RALGPS2: variants seen among roughly 807,000 people sequenced by gnomAD.
RALGPS2 encodes ras-specific guanine nucleotide-releasing factor RalGPS2.
A neutral mutation model predicts 86.8 loss-of-function variants in RALGPS2; 43 were observed. The observed-to-expected ratio is 0.50, with a 90% CI of 0.39 to 0.64. RALGPS2 has a LOEUF of 0.64. Among genes scored for constraint, RALGPS2 ranks in the 30% least tolerant of loss-of-function variants. The probability of loss-of-function intolerance (pLI) is 0.00; values close to 1 mark genes in which losing one functional copy is unlikely to be tolerated. For missense variants in RALGPS2, 536 were observed against 694.6 expected (o/e 0.77, Z 2.57); for synonymous variants, 243 against 231.3 (o/e 1.05, Z -0.46).
chr1:178,893,078 T>C (rs1029749079), intron 15 of RALGPS2, among the ~76,000 whole-genome samples: 6 of 152,132 alleles, frequency 3.9e-5, no homozygotes, highest in Non-Finnish European at 7.4e-5. Flanking sequence ...TGGCAAACTT[T>C]AGTTTTCATT....
At chr1:178,885,355 T>G (rs2102378339) in intron 12 of RALGPS2, 144 bp downstream of exon 12, 2 of 780,518 alleles carry the variant, frequency 2.6e-6, no homozygotes, top group Non-Finnish European at 3.8e-6. Flanking sequence ...TAAAATGCCT[T>G]GTTTGCCTAA....
intron 8 of RALGPS2, among the ~76,000 whole-genome samples, chr1:178,869,735 A>G (rs1297584810): frequency 2.0e-5 from 3 of 152,172 alleles, no homozygotes; most frequent in Non-Finnish European, 4.4e-5. Context: ...TGCTTGTTCA[A>G]GATTCTTAAC....
chr1:178,756,177 G>A (rs555313185), intron 1 of RALGPS2, among the ~76,000 whole-genome samples: 1 of 152,196 alleles, frequency 6.6e-6, no homozygotes, highest in South Asian at 2.1e-4. Flanking sequence ...GGTCCCACTT[G>A]TCAATTTTTG....
intron 13 of RALGPS2, among the ~76,000 whole-genome samples, chr1:178,888,717 G>C (rs1038985475): frequency 6.6e-6 from 1 of 152,062 alleles, no homozygotes; most frequent in African/African-American, 2.4e-5. Flanking sequence ...TCCAAGGATG[G>C]TACATAACTA....
At chr1:178,875,775 G>A (rs556139718) in intron 8 of RALGPS2, among the ~76,000 whole-genome samples, 36 of 152,090 alleles carry the variant, frequency 2.4e-4, no homozygotes, top group African/African-American at 8.2e-4. Flanking sequence ...AAAAAAATAT[G>A]TATACTGGCT....
intron 15 of RALGPS2, 150 bp from the exon 16 acceptor site, chr1:178,893,769 T>C: frequency 3.7e-6 from 2 of 541,748 alleles, no homozygotes; most frequent in South Asian, 5.7e-5. Flanking sequence ...AATTTCAAGA[T>C]TAATAAACCT....
chr1:178,911,434 T>G (rs1414584305), intron 19 of RALGPS2, among the ~76,000 whole-genome samples: 1 of 152,164 alleles, frequency 6.6e-6, no homozygotes, highest in Non-Finnish European at 1.5e-5. Context: ...TAGTTTTAAA[T>G]CATTTTTTGA....
At chr1:178,728,089 G>A (rs1478521371) in intron 1 of RALGPS2, among the ~76,000 whole-genome samples, 1 of 152,136 alleles carries the variant, frequency 6.6e-6, no homozygotes, top group Non-Finnish European at 1.5e-5. Context: ...CCTGAAGTCA[G>A]ATGATGCGTA....
intron 16 of RALGPS2, among the ~76,000 whole-genome samples, chr1:178,895,339 G>A (rs1306921187): frequency 3.3e-5 from 5 of 152,072 alleles, no homozygotes; most frequent in Non-Finnish European, 5.9e-5. Context: ...AGTGAACTCA[G>A]AATTGCATGT....
chr1:178,808,640 T>G (rs1654845157), intron 5 of RALGPS2, among the ~76,000 whole-genome samples: 1 of 152,160 alleles, frequency 6.6e-6, no homozygotes, highest in African/African-American at 2.4e-5. Context: ...TCGTGTCTGT[T>G]TAAGCTTTAT....
At chr1:178,889,723 C>G in intron 14 of RALGPS2, 27 bp downstream of exon 14, 3 of 1,544,858 alleles carry the variant, frequency 1.9e-6, no homozygotes, top group Non-Finnish European at 2.7e-6. Flanking sequence ...ATTTGAACTA[C>G]TTGGAGTTTA....
intron 1 of RALGPS2, chr1:178,747,056 G>A: frequency 1.1e-6 from 1 of 870,918 alleles, no homozygotes; most frequent in Non-Finnish European, 2.0e-6. Flanking sequence ...AATCTCAGTT[G>A]ATCTGGGGTC....
At chr1:178,780,952 A>G (rs1339015485) in intron 2 of RALGPS2, among the ~76,000 whole-genome samples, 2 of 151,994 alleles carry the variant, frequency 1.3e-5, no homozygotes. Flanking sequence ...ATGTTTATAT[A>G]TATGTTTGTA....
chr1:178,739,900 C>G (rs1200508995), intron 1 of RALGPS2, among the ~76,000 whole-genome samples: 2 of 152,184 alleles, frequency 1.3e-5, no homozygotes, highest in East Asian at 3.8e-4. Flanking sequence ...ACCTAGCCAC[C>G]TCATCTGCTT....
Position 178,918,944 on chromosome 1 carries a change from C to A in RALGPS2, c.*2585C>A, listed in dbSNP as rs1396082682. The A allele has an allele frequency of 6.6e-6, 1 of 152,062 alleles. No individual in the cohort carries two copies. The highest frequency in any genetic ancestry group is 1.5e-5 in the Non-Finnish European group (1 of 67,932). The allele number at this position is 152,062 out of a possible 1,614,324, so 9.4% of individuals were successfully genotyped here. A position where few individuals can be genotyped will look rare whatever the true frequency, so the allele number is the denominator to read the frequency against. On this transcript the variant is annotated 3_prime_UTR_variant, in exon 20 of 20. Coordinates refer to ENST00000367635, the MANE Select transcript of RALGPS2 (RefSeq NM_152663.5). Reference sequence around the variant, plus strand: ...TGACTCAAAAACTCAAAATGTTCATCAGCATTCAGGTCATTTGTTTCACCC... The same window carrying A: ...TGACTCAAAAACTCAAAATGTTCATAAGCATTCAGGTCATTTGTTTCACCC...
chr1:178,833,172 AAC>A (rs1656107112), intron 7 of RALGPS2, among the ~76,000 whole-genome samples: 1 of 152,102 alleles, frequency 6.6e-6, no homozygotes. Context: ...TAAAATAGTA[AAC>A]ACGAAAATGT....
intron 13 of RALGPS2, among the ~76,000 whole-genome samples, chr1:178,887,720 G>C (rs1301681481): frequency 1.3e-5 from 2 of 152,066 alleles, no homozygotes; most frequent in African/African-American, 4.8e-5. Flanking sequence ...TGTTTATTCT[G>C]ATAGTCCCCT....
chr1:178,750,251 C>G (rs934560552), intron 1 of RALGPS2, among the ~76,000 whole-genome samples: 10 of 152,224 alleles, frequency 6.6e-5, no homozygotes, highest in African/African-American at 2.2e-4. Flanking sequence ...GTCTCTGTTG[C>G]AGCTATTCAG....
At chr1:178,727,901 T>C (rs1289147490) in intron 1 of RALGPS2, among the ~76,000 whole-genome samples, 1 of 152,230 alleles carries the variant, frequency 6.6e-6, no homozygotes, top group African/African-American at 2.4e-5. Flanking sequence ...TTTAAAAGTT[T>C]AAGAAGTAGA....
Sources: allele counts gnomAD v4.1 joint callset (sites outside exome capture counted in the v4.1 genomes callset), GRCh38; gene constraint gnomAD v4.1.1; transcripts MANE v1.5; gene names NCBI Gene and HGNC (gene_info 2026-07-23, HGNC 2026-07-21).